RSRP1: variants seen among roughly 807,000 people sequenced by gnomAD.
RSRP1 encodes the protein arginine/serine-rich protein 1.
A neutral mutation model predicts 33.0 loss-of-function variants in RSRP1; 37 were observed. The ratio of observed to expected loss-of-function variants is 1.12; its 90% confidence interval spans 0.86 to 1.48. The LOEUF (loss-of-function observed/expected upper bound fraction) is 1.48. Among genes scored for constraint, RSRP1 ranks in the 40% most tolerant of loss-of-function variants. RSRP1 has a pLI of 0.00. For missense variants in RSRP1, 402 were observed against 385.3 expected (o/e 1.04, Z -0.36); for synonymous variants, 167 against 158.7 (o/e 1.05, Z -0.40).
rs1307995634 is a variant in RSRP1 at position 25,295,857 on chromosome 1, T to C, written c.-67+42121A>G. ...TGGGAGGGAATATGGGAAATTTTTT[T>C]TTTTTTTTTTTTTTTTTTTTTTGAG... On this transcript the variant is annotated intron_variant, in intron 1 of 1. Transcript: ENST00000561867. Among the ~76,000 whole-genome samples, 2 of 39,294 alleles carry C rather than the reference T, an allele frequency of 5.1e-5. 1 individual carries two copies. The highest frequency in any genetic ancestry group is 4.5e-4 in the Admixed American group (2 of 4,488). The allele number at this position is 39,294 out of a possible 152,430, so 25.8% of individuals were successfully genotyped here.
At chr1:25,321,698 T>TAAAATAAAATAAAATA (rs1644718192) in intron 1 of RSRP1, among the ~76,000 whole-genome samples, 1 of 127,430 alleles carries the variant, frequency 7.8e-6, no homozygotes, top group Non-Finnish European at 1.8e-5. Context: ...TAAAATAAAA[T>TAAAATAAAATAAAATA]AAAATAAAAT....
rs184781022 is a variant in RSRP1, at chr1:25,270,473, G to A, written c.-66-23444C>T. ...CCTATTGGGAACCGCGCATGAGAGG[G>A]ATCTAGGTTGCGTGCTCCTTAGGAG... On this transcript the variant is annotated intron_variant, in intron 1 of 1. Coordinates refer to the RSRP1 transcript ENST00000561867. Among the ~76,000 whole-genome samples, 43 of 131,486 alleles carry A rather than the reference G, an allele frequency of 3.3e-4. 8 individuals carry two copies. Among genetic ancestry groups the A allele is most frequent in the Middle Eastern group, 4.1e-3 (1 of 244 alleles). The allele number at this position is 131,486 out of a possible 152,430, so 86.3% of individuals were successfully genotyped here.
chr1:25,263,714 C>A (rs1640230844), intron 1 of RSRP1, among the ~76,000 whole-genome samples: 1 of 151,782 alleles, frequency 6.6e-6, no homozygotes, highest in Admixed American at 6.6e-5. Flanking sequence ...ATCACACCAT[C>A]CCAACAGTCC....
intron 1 of RSRP1, among the ~76,000 whole-genome samples, chr1:25,257,454 A>C (rs1639982617): frequency 6.6e-6 from 1 of 152,198 alleles, no homozygotes; most frequent in Non-Finnish European, 1.5e-5. Context: ...GGCAGAGGGA[A>C]AATAATATTT....
upstream of RSRP1, chr1:25,248,349 C>CTTTTT (rs36069810): frequency 2.3e-5 from 2 of 88,098 alleles, no homozygotes; most frequent in African/African-American, 3.6e-5. Flanking sequence ...GGTTAATTGC[C>CTTTTT]TTTTTTTTTT....
At position 25,276,524 on chromosome 1, in the gene RSRP1, C is replaced by G. The variant is rs1402290234; in HGVS notation, c.-66-29495G>C. Among the ~76,000 whole-genome samples the G allele has an allele frequency of 1.2e-4, 7 of 56,920 alleles. 1 individual carries two copies. The highest frequency in any genetic ancestry group is 3.0e-4 in the African/African-American group (4 of 13,336). The allele number at this position is 56,920 out of a possible 152,430, so 37.3% of individuals were successfully genotyped here. ...CCTAGGAAACATAGGGAGACCCCCC[C>G]CCATCTCTAAAAAAAAAAAAAAAAA... On this transcript the variant is annotated intron_variant, in intron 1 of 1. Coordinates refer to the RSRP1 transcript ENST00000561867.
At chr1:25,321,401 C>T (rs1483801097) in intron 1 of RSRP1, among the ~76,000 whole-genome samples, 1 of 122,902 alleles carries the variant, frequency 8.1e-6, no homozygotes, top group South Asian at 2.5e-4. Flanking sequence ...TGGCTCATGC[C>T]TGTAATACTA....
At chr1:25,251,892 ATT>A (rs58495891), upstream of RSRP1, among the ~76,000 whole-genome samples, 358 of 141,100 alleles carry the variant, frequency 2.5e-3, no homozygotes, top group African/African-American at 8.6e-3. Context: ...CCACATATAG[ATT>A]TTTTTTTTTT....
Position 25,282,045 on chromosome 1 carries a change from T to A in RSRP1, c.-66-35016A>T, listed in dbSNP as rs1410054065. Among the ~76,000 whole-genome samples, 29 of 131,860 alleles carry A rather than the reference T, an allele frequency of 2.2e-4. 5 individuals are homozygous for A. The highest frequency in any genetic ancestry group is 7.5e-4 in the African/African-American group (29 of 38,614). 86.5% of individuals were successfully genotyped at this position (131,860 alleles called of 152,430 possible). ...CCTATTGCTGTGATTGTCATGATGA[T>A]GTTGATGAACAGTCACTATTTATTG... On this transcript the variant is annotated intron_variant, in intron 1 of 1. Coordinates refer to the RSRP1 transcript ENST00000561867.
Position 25,266,609 on chromosome 1 carries a change from A to G in RSRP1, c.-66-19580T>C, listed in dbSNP as rs1640318142. The G allele has an allele frequency of 1.6e-5, 2 of 128,988 alleles. 1 individual carries two copies. The highest frequency in any genetic ancestry group is 1.5e-4 in the Admixed American group (2 of 13,554). 8.0% of individuals were successfully genotyped at this position (128,988 alleles called of 1,614,324 possible). A position where few individuals can be genotyped will look rare whatever the true frequency, so the allele number is the denominator to read the frequency against. Reference sequence around the variant, plus strand: ...AAAGGGATGAAAGTTTCATCCATCAAAGGAAACAACAGTCACCTTGGTTCC... The same window carrying G: ...AAAGGGATGAAAGTTTCATCCATCAGAGGAAACAACAGTCACCTTGGTTCC... On this transcript the variant is annotated intron_variant, in intron 1 of 1. Transcript: ENST00000561867.
intron 1 of RSRP1, chr1:25,337,860 G>C (rs1645111109): frequency 6.6e-6 from 1 of 150,522 alleles, no homozygotes; most frequent in South Asian, 2.1e-4. Flanking sequence ...CCGCCTCCTG[G>C]AGCTGAACCC....
rs189832444 is a variant in RSRP1, at chr1:25,334,116, G to C, written c.-67+3862C>G. Among the ~76,000 whole-genome samples, 489 of 131,446 alleles carry C rather than the reference G, an allele frequency of 3.7e-3. 21 individuals carry two copies. Among genetic ancestry groups the C allele is most frequent in the African/African-American group, 0.012 (473 of 38,372 alleles). The allele number at this position is 131,446 out of a possible 152,430, so 86.2% of individuals were successfully genotyped here. A position where few individuals can be genotyped will look rare whatever the true frequency, so the allele number is the denominator to read the frequency against. On this transcript the variant is annotated intron_variant, in intron 1 of 1. Transcript: ENST00000561867. The stretch of plus-strand genomic sequence containing the variant: ...CAGTCTAATGTCTCATCTGAGACAA[G>C]GCAAGTCCTTTCCATCTATGAGCCT...
rs1056458092 is a variant in RSRP1 at position 25,315,066 on chromosome 1, T to C, written c.-67+22912A>G. On this transcript the variant is annotated intron_variant, in intron 1 of 1. Transcript: ENST00000561867. ...AAAAATACAAAAAATTAGCTGGGCG[T>C]TGTGGCTCTTGCCTGTAGTCTCAGC... 1.0e-4 allele frequency among the ~76,000 whole-genome samples: 13 copies of C among 128,502 alleles called. 2 individuals are homozygous for C. The highest frequency in any genetic ancestry group is 5.3e-4 in the Admixed American group (7 of 13,128). The allele number at this position is 128,502 out of a possible 152,430, so 84.3% of individuals were successfully genotyped here. A position where few individuals can be genotyped will look rare whatever the true frequency, so the allele number is the denominator to read the frequency against.
At chr1:25,275,360 G>A (rs1189874273) in intron 1 of RSRP1, among the ~76,000 whole-genome samples, 1 of 132,386 alleles carries the variant, frequency 7.6e-6, no homozygotes, top group African/African-American at 2.6e-5. Context: ...TGCATACGAA[G>A]TTTGGCTTCA....
rs1339127804 is a variant in RSRP1 at position 25,333,751 on chromosome 1, C to T, written c.-67+4227G>A. ...GAGGCCTCACAATCATGGCGAAAGG[C>T]AATGAGGAGCAAGTCACGTCTTACG... On this transcript the variant is annotated intron_variant, in intron 1 of 1. Transcript: ENST00000561867. Among the ~76,000 whole-genome samples, 5 of 129,344 alleles carry T rather than the reference C, an allele frequency of 3.9e-5. 1 individual carries two copies. Among genetic ancestry groups the T allele is most frequent in the Non-Finnish European group, 9.1e-5 (5 of 54,886 alleles). 84.9% of individuals were successfully genotyped at this position (129,344 alleles called of 152,430 possible).
rs991279379 is a variant in RSRP1, at chr1:25,299,367, T to C, written c.-67+38611A>G. 8.5e-5 allele frequency among the ~76,000 whole-genome samples: 11 copies of C among 129,930 alleles called. 4 individuals are homozygous for C. Among genetic ancestry groups the C allele is most frequent in the Non-Finnish European group, 7.2e-5 (4 of 55,238 alleles). 85.2% of individuals were successfully genotyped at this position (129,930 alleles called of 152,430 possible). ...AGTGCACTCTAGCCTGGCGACAGAG[T>C]GAGACTCCGTCTCAAAAATAAATAA... On this transcript the variant is annotated intron_variant, in intron 1 of 1. Coordinates refer to the RSRP1 transcript ENST00000561867.
intron 1 of RSRP1, among the ~76,000 whole-genome samples, chr1:25,310,212 T>C (rs1467576823): frequency 1.5e-5 from 2 of 133,492 alleles, no homozygotes; most frequent in South Asian, 2.3e-4. Flanking sequence ...CCAAATTTCA[T>C]GTGCTGGAAA....
Position 25,319,054 on chromosome 1 carries a change from G to A in RSRP1, c.-67+18924C>T, listed in dbSNP as rs144623110. Among the ~76,000 whole-genome samples, 288 of 132,480 alleles carry A rather than the reference G, an allele frequency of 2.2e-3. 39 individuals are homozygous for A. Among genetic ancestry groups the A allele is most frequent in the African/African-American group, 7.0e-3 (272 of 38,954 alleles). The allele number at this position is 132,480 out of a possible 152,430, so 86.9% of individuals were successfully genotyped here. ...AAAGGCTGCCGGATTTAGCAAAAAT[G>A]CAAGGTGTCTGTTTTTAAATTTGAA... On this transcript the variant is annotated intron_variant, in intron 1 of 1. Coordinates refer to the RSRP1 transcript ENST00000561867.
At chr1:25,336,767 T>G (rs1345548397) in intron 1 of RSRP1, among the ~76,000 whole-genome samples, 1 of 151,384 alleles carries the variant, frequency 6.6e-6, no homozygotes, top group African/African-American at 2.5e-5. Context: ...CTGCCTGCAC[T>G]AGATTCCTCC....
Sources: allele counts gnomAD v4.1 joint callset (sites outside exome capture counted in the v4.1 genomes callset), GRCh38; gene constraint gnomAD v4.1.1; transcripts MANE v1.5; gene names NCBI Gene and HGNC (gene_info 2026-07-23, HGNC 2026-07-21).